The following SH3BP4 variants were observed in gnomAD, a reference collection of about 807,000 sequenced individuals.
SH3BP4 encodes the protein SH3 domain binding protein 4.
A neutral mutation model predicts 65.5 loss-of-function variants in SH3BP4; 33 were observed. The ratio of observed to expected loss-of-function variants is 0.50; its 90% CI spans 0.38 to 0.67. SH3BP4 has a LOEUF of 0.67. Ranked by LOEUF, SH3BP4 falls within the 30% of genes least tolerant of loss-of-function variation. The pLI is 0.00. For missense variants in SH3BP4, 1,134 were observed against 1,261.4 expected (o/e 0.90, Z 1.53); for synonymous variants, 552 against 545.5 (o/e 1.01, Z -0.17).
intron 2 of SH3BP4, among the ~76,000 whole-genome samples, chr2:235,018,627 C>T (rs1312686402): frequency 6.6e-6 from 1 of 152,190 alleles, no homozygotes; most frequent in Non-Finnish European, 1.5e-5. Flanking sequence ...GTTGTTTCCA[C>T]AGTGAAGTAC....
intron 1 of SH3BP4, among the ~76,000 whole-genome samples, chr2:234,975,835 C>T (rs1693151170): frequency 6.6e-6 from 1 of 152,076 alleles, no homozygotes. Flanking sequence ...GCAGTCATGC[C>T]ATTGTACTCC....
At position 234,991,131 on chromosome 2, in the gene SH3BP4, C is replaced by T. The variant is rs1213569987; in HGVS notation, c.-206-4172C>T. 6.6e-6 allele frequency among the ~76,000 whole-genome samples: 1 copy of T among 152,132 alleles called. No homozygotes were observed. The highest frequency in any genetic ancestry group is 1.5e-5 in the Non-Finnish European group (1 of 68,044). On this transcript the variant is annotated intron_variant, in intron 1 of 5. Coordinates refer to ENST00000392011, the MANE Select transcript of SH3BP4 (RefSeq NM_014521.3). This position sits in a 1 kb window ranked among gnomAD's most constrained non-coding sequence, Gnocchi z 4.2. ...TTGGGGGGATGCAATTCCATCTATA[C>T]CATTGGGAAATGGGGTGAATAGCTG...
chr2:235,019,621 A>G (rs1694792740), intron 2 of SH3BP4, among the ~76,000 whole-genome samples: 1 of 151,724 alleles, frequency 6.6e-6, no homozygotes, highest in African/African-American at 2.4e-5. Context: ...CTTTTAGTGG[A>G]GATGGGGTTT....
Position 235,052,743 on chromosome 2 carries a change from A to G in SH3BP4, c.2660A>G (p.Asp887Gly). The G allele has an allele frequency of 6.3e-7, 1 of 1,592,898 alleles. No homozygotes were observed. Among genetic ancestry groups the G allele is most frequent in the African/African-American group, 1.3e-5 (1 of 74,512 alleles). The change falls in exon 5 of 6, where the codon GAC (aspartate) becomes GGC (glycine). Residue 887 changes from aspartate to glycine, a missense_variant. Coordinates refer to ENST00000392011, the MANE Select transcript of SH3BP4 (RefSeq NM_014521.3). The surrounding 1 kb of genome is among the most constrained non-coding windows in gnomAD (Gnocchi z 5.0). ...SPHRDRNGVV[D>G]SEAMWKPAYD... The stretch of plus-strand genomic sequence containing the variant: ...CACCGGGACAGGAACGGGGTTGTGG[A>G]CAGCGAGGTGAGCAGCGGCTGAGCT...
At chr2:235,038,367 A>T (rs1343341953) in intron 3 of SH3BP4, among the ~76,000 whole-genome samples, 3 of 9,308 alleles carry the variant, frequency 3.2e-4, no homozygotes, top group East Asian at 8.3e-3. Flanking sequence ...TATATATATA[A>T]TATATATACA....
intron 1 of SH3BP4, among the ~76,000 whole-genome samples, chr2:234,987,169 G>A (rs1171900629): frequency 6.6e-6 from 1 of 152,162 alleles, no homozygotes; most frequent in Non-Finnish European, 1.5e-5. Flanking sequence ...CAGAAACTGA[G>A]CGTTGTTGGG....
chr2:234,993,967 T>C (rs1244422459), intron 1 of SH3BP4, among the ~76,000 whole-genome samples: 2 of 152,348 alleles, frequency 1.3e-5, no homozygotes, highest in East Asian at 3.9e-4. Flanking sequence ...TTTGTGTTTG[T>C]GCATATATTT....
At position 235,026,229 on chromosome 2, in the gene SH3BP4, C is replaced by T. The variant is rs368089491; in HGVS notation, c.-132-8642C>T. 3.1e-4 allele frequency among the ~76,000 whole-genome samples: 47 copies of T among 152,270 alleles called. No individual in the cohort carries two copies. In the East Asian group the frequency reaches 8.9e-3, roughly 29 times the overall value. ...ACACGCCCTCCCCTCCTCTTCCTGA[C>T]CTGTCGGGGGATCCCCAGCCTCAGA... On this transcript the variant is annotated intron_variant, in intron 2 of 5. Transcript: ENST00000392011. The surrounding 1 kb of genome is among the most constrained non-coding windows in gnomAD (Gnocchi z 4.6).
At chr2:234,963,052 G>T (rs1692751494) in intron 1 of SH3BP4, among the ~76,000 whole-genome samples, 1 of 152,150 alleles carries the variant, frequency 6.6e-6, no homozygotes. Flanking sequence ...GCCCGGCAAT[G>T]CTATGCTTTT....
chr2:235,047,256 C>T (rs1689568307), intron 4 of SH3BP4, among the ~76,000 whole-genome samples: 3 of 152,146 alleles, frequency 2.0e-5, no homozygotes, highest in Admixed American at 6.5e-5. Flanking sequence ...GAGAAATGTG[C>T]ACATTCACAT....
intron 2 of SH3BP4, among the ~76,000 whole-genome samples, chr2:235,001,758 C>T (rs559491183): frequency 5.5e-4 from 84 of 152,328 alleles, no homozygotes; most frequent in African/African-American, 1.6e-3. Flanking sequence ...TGAGTTCTCA[C>T]GGACCGTTCG....
Position 235,042,525 on chromosome 2 carries a change from G to C in SH3BP4, c.1756G>C (p.Asp586His), listed in dbSNP as rs142956910. The stretch of plus-strand genomic sequence containing the variant: ...CTCCCAGAACCCCAACGAGCTCTCT[G>C]ACTTCACGCTGCGGGTTCAGGTGAA... ...ITSQNPNELS[D>H]FTLRVQVKDD... Residue 586 changes from aspartate to histidine, a missense_variant, in exon 4 of 6, where the codon GAC becomes CAC. By Grantham distance (81) the Asp-to-His change is moderately conservative. Coordinates refer to ENST00000392011, the MANE Select transcript of SH3BP4 (RefSeq NM_014521.3). The surrounding 1 kb of genome is among the most constrained non-coding windows in gnomAD (Gnocchi z 7.3). The C allele has an allele frequency of 4.3e-4, 689 of 1,614,146 alleles. 2 individuals carry two copies. The highest frequency in any genetic ancestry group is 1.6e-3 in the South Asian group (144 of 91,074).
At chr2:234,957,137 C>T (rs1471209333) in intron 1 of SH3BP4, among the ~76,000 whole-genome samples, 1 of 152,308 alleles carries the variant, frequency 6.6e-6, no homozygotes, top group East Asian at 1.9e-4. Flanking sequence ...TCTCCTACCT[C>T]AGCCTCCTGA....
chr2:234,977,425 T>C lies in SH3BP4; in HGVS notation c.-206-17878T>C, dbSNP rs1013299773. 8.0e-4 allele frequency among the ~76,000 whole-genome samples: 122 copies of C among 152,118 alleles called. 1 individual carries two copies. Among genetic ancestry groups the C allele is most frequent in the African/African-American group, 2.9e-3 (120 of 41,506 alleles). On this transcript the variant is annotated intron_variant, in intron 1 of 5. Coordinates refer to ENST00000392011, the MANE Select transcript of SH3BP4 (RefSeq NM_014521.3). This position sits in a 1 kb window ranked among gnomAD's most constrained non-coding sequence, Gnocchi z 5.1. ...AGAGGTGAGCCACCCTCCTGGCCAGTGAGGAGCTTCTAAACACGGAGGCAG... is the reference window on the plus strand; with the variant it reads ...AGAGGTGAGCCACCCTCCTGGCCAGCGAGGAGCTTCTAAACACGGAGGCAG...
In SH3BP4 at chr2:235,033,550, G is replaced by A. The variant is rs1008274483; in HGVS notation, c.-132-1321G>A. Among the ~76,000 whole-genome samples, 1 of 152,256 alleles carries A rather than the reference G, an allele frequency of 6.6e-6. No homozygotes were observed. The highest frequency in any genetic ancestry group is 1.5e-5 in the Non-Finnish European group (1 of 68,052). ...GCCTTCTGAGGCCTTGAGATGGAAA[G>A]GACGCCTCCCTTGAGCCACTATCCG... is the stretch of plus-strand genomic sequence containing the variant. On this transcript the variant is annotated intron_variant, in intron 2 of 5. Coordinates refer to ENST00000392011, the MANE Select transcript of SH3BP4 (RefSeq NM_014521.3). This position sits in a 1 kb window ranked among gnomAD's most constrained non-coding sequence, Gnocchi z 5.7.
At chr2:234,984,942 C>T (rs1693500868) in intron 1 of SH3BP4, among the ~76,000 whole-genome samples, 1 of 152,262 alleles carries the variant, frequency 6.6e-6, no homozygotes, top group Middle Eastern at 3.4e-3. Flanking sequence ...TATTAGGGCT[C>T]CATCATGCTG....
At chr2:234,988,952 G>C (rs1430405639) in intron 1 of SH3BP4, among the ~76,000 whole-genome samples, 1 of 152,182 alleles carries the variant, frequency 6.6e-6, no homozygotes, top group East Asian at 1.9e-4. Context: ...ACATCCATCA[G>C]GTGAGATTTC....
In SH3BP4 at chr2:235,053,793, G is replaced by T. The variant is rs1696139926; in HGVS notation, c.2869G>T (p.Asp957Tyr). ...VLRAAAFSPA[D>Y]QDDFVI ...GAGAGCAGCCGCCTTCAGCCCTGCG[G>T]ACCAGGACGACTTCGTGATTTGAAT... Residue 957 changes from aspartate (D) to tyrosine (Y), a missense_variant, in exon 6 of 6, where the codon GAC (aspartate) becomes TAC (tyrosine). By Grantham distance (160) the Asp-to-Tyr change is radical (BLOSUM62 -3). Transcript: ENST00000392011. 8 of 1,614,162 alleles carry T rather than the reference G, an allele frequency of 5.0e-6. No individual in the cohort carries two copies. Among genetic ancestry groups the T allele is most frequent in the Non-Finnish European group, 6.8e-6 (8 of 1,179,988 alleles).
chr2:235,013,983 T>G (rs1447015196), intron 2 of SH3BP4, among the ~76,000 whole-genome samples: 3 of 152,176 alleles, frequency 2.0e-5, no homozygotes, highest in Non-Finnish European at 4.4e-5. Context: ...ATATAAACAA[T>G]GTACTTATAG....
Sources: gnomAD v4.1 joint callset for allele counts (sites outside exome capture counted in the v4.1 genomes callset) on GRCh38, gnomAD v4.1.1 for gene constraint, Gnocchi (gnomAD v3.1) non-coding constraint, MANE v1.5 for transcripts, NCBI Gene and HGNC (gene_info 2026-07-23, HGNC 2026-07-21) for gene names.